The following VWA8 variants were observed in gnomAD, a reference collection of about 807,000 sequenced individuals.
VWA8 encodes von Willebrand factor A domain containing 8, also known as von Willebrand factor A domain-containing protein 8.
VWA8 carries 221 observed loss-of-function variants against 241.5 expected under a neutral mutation model. That is an observed-to-expected ratio of 0.91 (90% CI 0.82 to 1.02). The LOEUF (loss-of-function observed/expected upper bound fraction) is 1.02, where lower values mean the gene tolerates loss of function less well. Among genes scored for constraint, VWA8 ranks in the 50% least tolerant of loss-of-function variants. The probability of loss-of-function intolerance (pLI) is 0.00; values close to 1 mark genes in which losing one functional copy is unlikely to be tolerated. For missense variants in VWA8, 2,322 were observed against 2,328.7 expected (o/e 1.00, Z 0.06); for synonymous variants, 852 against 827.1 (o/e 1.03, Z -0.52).
chr13:41,898,472 A>T (rs1354484986), intron 4 of VWA8, among the ~76,000 whole-genome samples: 2 of 152,206 alleles, frequency 1.3e-5, no homozygotes, highest in African/African-American at 4.8e-5. Context: ...CTAGACATAA[A>T]GACTCTCCAC....
Position 41,887,302 on chromosome 13 carries a change from T to G in VWA8, c.711A>C (p.Arg237=). The G allele has an allele frequency of 6.2e-7, 1 of 1,613,640 alleles. No homozygotes were observed. The highest frequency in any genetic ancestry group is 8.5e-7 in the Non-Finnish European group (1 of 1,179,870). ...WKIVRVSENF[R]VIALGLPVPR... ...GCACTGGCAAGCCCAAGGCAATCACTCGGAAATTTTCACTAACTCGGACAA... is the reference window on the plus strand; with the variant it reads ...GCACTGGCAAGCCCAAGGCAATCACGCGGAAATTTTCACTAACTCGGACAA... Residue 237 remains arginine, a synonymous_variant, in exon 6 of 45, where the codon CGA becomes CGC. Coordinates refer to ENST00000379310, the MANE Select transcript of VWA8 (RefSeq NM_015058.2).
At chr13:41,881,708 G>C (rs1874206919) in intron 9 of VWA8, among the ~76,000 whole-genome samples, 1 of 147,772 alleles carries the variant, frequency 6.8e-6, no homozygotes, top group Non-Finnish European at 1.5e-5. Context: ...TCCCGGACGG[G>C]GCGGCTGGCC....
At chr13:41,870,635 CAAAA>C (rs1330134932) in intron 9 of VWA8, among the ~76,000 whole-genome samples, 4 of 61,176 alleles carry the variant, frequency 6.5e-5, no homozygotes, top group African/African-American at 1.9e-4. Flanking sequence ...GACTCCGTCT[CAAAA>C]AAAAAAAAAA....
rs1449560777 is a variant in VWA8 at position 41,811,238 on chromosome 13, C to A, written c.2050G>T (p.Ala684Ser). The A allele has an allele frequency of 6.2e-7, 1 of 1,604,878 alleles. No individual in the cohort carries two copies. The highest frequency in any genetic ancestry group is 1.7e-5 in the Admixed American group (1 of 59,830). Residue 684 changes from alanine to serine, a missense_variant, in exon 17 of 45, where the codon GCC (alanine) becomes TCC (serine). Ala to Ser is a moderately conservative substitution (Grantham distance 99). Coordinates refer to ENST00000379310, the MANE Select transcript of VWA8 (RefSeq NM_015058.2). ...NENLHSAVTK[A>S]CLSRFLPSLA... ...GAATATGTTTACCTGGAAAGGCAGGCTTTAGTAACAGCACTGTGAAGATTT... is the reference window on the plus strand; with the variant it reads ...GAATATGTTTACCTGGAAAGGCAGGATTTAGTAACAGCACTGTGAAGATTT...
chr13:41,814,944 T>G (rs970612629), intron 16 of VWA8, among the ~76,000 whole-genome samples: 1 of 152,094 alleles, frequency 6.6e-6, no homozygotes, highest in Non-Finnish European at 1.5e-5. Flanking sequence ...ACATACATTA[T>G]GTCAAAGAGT....
intron 1 of VWA8, among the ~76,000 whole-genome samples, chr13:41,956,206 C>T (rs941408179): frequency 6.6e-6 from 1 of 152,126 alleles, no homozygotes; most frequent in Non-Finnish European, 1.5e-5. Context: ...CTGGCCTCTA[C>T]CCGCTAGATG....
chr13:41,740,814 A>C (rs1452344982), intron 21 of VWA8, among the ~76,000 whole-genome samples: 1 of 152,210 alleles, frequency 6.6e-6, no homozygotes, highest in African/African-American at 2.4e-5. Context: ...CCGTTTTCTC[A>C]TCTGAGTTTA....
intron 24 of VWA8, among the ~76,000 whole-genome samples, chr13:41,726,417 C>A (rs1215137883): frequency 6.6e-6 from 1 of 152,132 alleles, no homozygotes; most frequent in Non-Finnish European, 1.5e-5. Flanking sequence ...GAATTATATA[C>A]TTGCTATAGA....
In VWA8 at chr13:41,613,931, T is replaced by C. The variant is rs17062438; in HGVS notation, c.4720+1045A>G. Among the ~76,000 whole-genome samples, 497 of 152,312 alleles carry C rather than the reference T, an allele frequency of 3.3e-3. 3 individuals are homozygous for C. The highest frequency in any genetic ancestry group is 0.011 in the African/African-American group (449 of 41,580). ...AACTAAAAGCCAGGTGAAACAAATG[T>C]AGCCTCAATCTGGACAGATACGTGA... On this transcript the variant is annotated intron_variant, in intron 38 of 44. Transcript: ENST00000379310.
intron 9 of VWA8, among the ~76,000 whole-genome samples, chr13:41,879,790 T>C (rs2138068966): frequency 6.6e-6 from 1 of 152,168 alleles, no homozygotes; most frequent in East Asian, 1.9e-4. Context: ...GATTTGAAGA[T>C]AAGGGAGAGA....
intron 2 of VWA8, chr13:41,926,408 C>T (rs1876838766): frequency 7.4e-6 from 4 of 539,666 alleles, no homozygotes; most frequent in Non-Finnish European, 1.4e-5. Flanking sequence ...CCATGGTGAA[C>T]ATCATCCCGG....
rs987262116 is a variant in VWA8, at chr13:41,783,777, A to G, written c.2277+18T>C. On this transcript the variant is annotated intron_variant, in intron 19 of 44. Coordinates refer to ENST00000379310, the MANE Select transcript of VWA8 (RefSeq NM_015058.2). The stretch of plus-strand genomic sequence containing the variant: ...CAATTTAAGTGATTTATCCAAGAAC[A>G]CAAAGCAATACTCTTACCTGAATGT... 4 of 1,574,844 alleles carry G rather than the reference A, an allele frequency of 2.5e-6. No homozygotes were observed. The highest frequency in any genetic ancestry group is 3.5e-6 in the Non-Finnish European group (4 of 1,147,778).
chr13:41,715,799 A>C (rs1392963500), intron 26 of VWA8, among the ~76,000 whole-genome samples: 9 of 152,028 alleles, frequency 5.9e-5, no homozygotes, highest in Non-Finnish European at 1.3e-4. Context: ...CAATACTGAC[A>C]AAATGACATT....
chr13:41,568,391 T>C lies in VWA8; in HGVS notation c.5610-86A>G, dbSNP rs1191684034. ...GCCCTGGCAAACCACAGCCCCCTAA[T>C]GGTTTCTTAGGAAAGGAAGTTTTTA... On this transcript the variant is annotated intron_variant, in intron 44 of 44. Coordinates refer to ENST00000379310, the MANE Select transcript of VWA8 (RefSeq NM_015058.2). 6.6e-6 allele frequency: 7 copies of C among 1,064,332 alleles called. No homozygotes were observed. In the East Asian group the frequency reaches 7.2e-5, roughly 11 times the overall value. 65.9% of individuals were successfully genotyped at this position (1,064,332 alleles called of 1,614,324 possible).
chr13:41,776,929 A>C (rs145678508), intron 20 of VWA8, among the ~76,000 whole-genome samples: 10 of 152,302 alleles, frequency 6.6e-5, no homozygotes, highest in African/African-American at 2.4e-4. Flanking sequence ...TATATAAAGA[A>C]TATGTATTAT....
chr13:41,834,165 A>C (rs1183224056), intron 12 of VWA8, among the ~76,000 whole-genome samples: 1 of 152,246 alleles, frequency 6.6e-6, no homozygotes, highest in Non-Finnish European at 1.5e-5. Context: ...GCACACACAC[A>C]ATGTGCTAAC....
intron 4 of VWA8, among the ~76,000 whole-genome samples, chr13:41,896,082 A>G (rs574549486): frequency 6.6e-6 from 1 of 152,196 alleles, no homozygotes; most frequent in East Asian, 1.9e-4. Flanking sequence ...GCAAATCAAT[A>G]AAACAGAATT....
At chr13:41,768,598 A>C (rs540900841) in intron 20 of VWA8, among the ~76,000 whole-genome samples, 10 of 152,230 alleles carry the variant, frequency 6.6e-5, no homozygotes, top group Admixed American at 4.6e-4. Flanking sequence ...GCAGAGAAGA[A>C]TGAATCATTT....
At chr13:41,843,388 T>A (rs1026471545) in intron 12 of VWA8, among the ~76,000 whole-genome samples, 3 of 152,116 alleles carry the variant, frequency 2.0e-5, no homozygotes, top group Non-Finnish European at 2.9e-5. Flanking sequence ...ATCAAGAAGT[T>A]AGAAAAACTT....
Sources: allele counts gnomAD v4.1 joint callset (sites outside exome capture counted in the v4.1 genomes callset), GRCh38; gene constraint gnomAD v4.1.1; transcripts MANE v1.5; gene names NCBI Gene and HGNC (gene_info 2026-07-23, HGNC 2026-07-21).